COL19A1: variants seen among roughly 807,000 people sequenced by gnomAD.
The protein encoded by COL19A1 is collagen alpha-1(XIX) chain.
A neutral mutation model predicts 190.2 loss-of-function variants in COL19A1; 159 were observed. That is an observed-to-expected ratio of 0.84 (90% CI 0.73 to 0.95). The LOEUF is 0.95. COL19A1 is among the 40% of genes least tolerant of loss of function. The pLI, the probability that COL19A1 is intolerant of heterozygous loss-of-function variation, is 0.00. For missense variants in COL19A1, 1,418 were observed against 1,431.9 expected, an observed-to-expected ratio of 0.99 and a Z score of 0.16; for synonymous variants, 509 against 458.9, an observed-to-expected ratio of 1.11 and a Z score of -1.39.
intron 16 of COL19A1, among the ~76,000 whole-genome samples, chr6:70,105,839 T>C (rs1267517878): frequency 2.0e-5 from 3 of 152,220 alleles, no homozygotes; most frequent in Admixed American, 2.0e-4. Context: ...TTTAATTTTG[T>C]CTCTTGTCAA....
intron 9 of COL19A1, among the ~76,000 whole-genome samples, chr6:69,944,861 G>A (rs1456856133): frequency 1.3e-5 from 2 of 151,800 alleles, no homozygotes; most frequent in Non-Finnish European, 2.9e-5. Context: ...TTTTAACCAT[G>A]CTCTTTAACA....
rs113720578 is a variant in COL19A1 at position 70,141,207 on chromosome 6, T to C, written c.1482+218T>C. 1.1e-3 allele frequency among the ~76,000 whole-genome samples: 167 copies of C among 152,200 alleles called. 1 individual carries two copies. The highest frequency in any genetic ancestry group is 3.8e-3 in the African/African-American group (159 of 41,568). On this transcript the variant is annotated intron_variant, in intron 20 of 50. Transcript: ENST00000620364. ...TCATGCAAGGAGACTTCAACATTGG[T>C]TTGAGTTTTCTAATACATTGTTTAA...
intron 9 of COL19A1, among the ~76,000 whole-genome samples, chr6:69,939,637 C>T (rs561144713): frequency 1.3e-5 from 2 of 152,090 alleles, no homozygotes; most frequent in South Asian, 2.1e-4. Flanking sequence ...ACTCTTAAAA[C>T]ATCATTTAAA....
In COL19A1 at chr6:69,953,124, GA is replaced by G. The variant is rs199626807; in HGVS notation, c.937-6871del. On this transcript the variant is annotated intron_variant, in intron 9 of 50. Transcript: ENST00000620364. The stretch of plus-strand genomic sequence containing the variant: ...ATTATAGAAATTGAGGCCATTAAAT[GA>G]GGAGGAAAAAAAAAGACAACTTAGC... Among the ~76,000 whole-genome samples the G allele has an allele frequency of 9.5e-4, 144 of 151,924 alleles. 2 individuals are homozygous for G. In the East Asian group the frequency reaches 0.024, roughly 26 times the overall value.
intron 47 of COL19A1, 54 bp from the exon 48 acceptor site, chr6:70,190,261 T>G: frequency 7.5e-7 from 1 of 1,332,846 alleles, no homozygotes; most frequent in Non-Finnish European, 1.1e-6. Flanking sequence ...ATTTCTATTC[T>G]TTATTCATTT....
chr6:70,141,838 G>A, intron 20 of COL19A1, 55 bp from the exon 21 acceptor site: 1 of 1,138,142 alleles, frequency 8.8e-7, no homozygotes, highest in Non-Finnish European at 1.3e-6. Context: ...TATCAGAGAT[G>A]TCCATTTCCA....
intron 16 of COL19A1, among the ~76,000 whole-genome samples, chr6:70,121,071 C>T (rs551401848): frequency 6.6e-6 from 1 of 152,258 alleles, no homozygotes; most frequent in South Asian, 2.1e-4. Flanking sequence ...TTCTCTCCTC[C>T]TAGCTTTTGA....
chr6:70,060,729 C>T lies in COL19A1; in HGVS notation c.1171-7694C>T, dbSNP rs543459741. On this transcript the variant is annotated intron_variant, in intron 14 of 50. Transcript: ENST00000620364. ...CAGGACTCTCACTGATTCCACATTA[C>T]GGTGAGTGTATAATTATTTCATTAT... Among the ~76,000 whole-genome samples, 171 of 152,120 alleles carry T rather than the reference C, an allele frequency of 1.1e-3. 2 individuals are homozygous for T. The highest frequency in any genetic ancestry group is 1.8e-3 in the Non-Finnish European group (124 of 67,996).
At chr6:70,060,939 G>A (rs560066266) in intron 14 of COL19A1, among the ~76,000 whole-genome samples, 34 of 152,184 alleles carry the variant, frequency 2.2e-4, no homozygotes, top group Admixed American at 1.9e-3. Flanking sequence ...GATAAATGAA[G>A]CACACACATA....
intron 2 of COL19A1, among the ~76,000 whole-genome samples, chr6:69,881,709 G>A (rs1768566997): frequency 6.6e-6 from 1 of 152,116 alleles, no homozygotes. Context: ...TTAACATGAA[G>A]CATTAAGGGA....
chr6:70,061,410 C>T (rs1780820950), intron 14 of COL19A1, among the ~76,000 whole-genome samples: 1 of 151,608 alleles, frequency 6.6e-6, no homozygotes, highest in Admixed American at 6.6e-5. Context: ...GGGTCCTAGA[C>T]TTAGCAAAAG....
chr6:69,898,819 A>G, intron 2 of COL19A1, 129 bp from the exon 3 acceptor site: 1 of 630,278 alleles, frequency 1.6e-6, no homozygotes, highest in Non-Finnish European at 2.8e-6. Context: ...TAATGTTCTT[A>G]TCCTCATTTT....
intron 15 of COL19A1, among the ~76,000 whole-genome samples, chr6:70,087,406 C>A (rs1328950987): frequency 1.3e-5 from 2 of 152,068 alleles, no homozygotes; most frequent in African/African-American, 4.8e-5. Flanking sequence ...GAGGGAAGCT[C>A]TTTCTAGGTA....
chr6:70,089,905 G>A (rs1409382404), intron 15 of COL19A1, among the ~76,000 whole-genome samples: 1 of 151,902 alleles, frequency 6.6e-6, no homozygotes, highest in Non-Finnish European at 1.5e-5. Context: ...AAAAACAATG[G>A]GCTGGGTAAA....
intron 41 of COL19A1, 129 bp downstream of exon 41, chr6:70,172,146 C>T (rs1765538022): frequency 2.9e-6 from 2 of 687,270 alleles, no homozygotes; most frequent in Non-Finnish European, 5.1e-6. Flanking sequence ...AATGTATGTA[C>T]TCATGGGACT....
intron 2 of COL19A1, among the ~76,000 whole-genome samples, chr6:69,886,162 G>A (rs534726469): frequency 6.6e-6 from 1 of 151,990 alleles, no homozygotes; most frequent in Admixed American, 6.5e-5. Context: ...ATTTAAAAAT[G>A]GACAAAGGAT....
chr6:69,993,745 G>A (rs141754299), intron 11 of COL19A1, among the ~76,000 whole-genome samples: 327 of 152,248 alleles, frequency 2.1e-3, no homozygotes, highest in African/African-American at 7.7e-3. Context: ...TGTGTGCCTA[G>A]AGGTGTTTAT....
intron 17 of COL19A1, among the ~76,000 whole-genome samples, chr6:70,127,774 T>A (rs912153680): frequency 2.2e-5 from 3 of 136,488 alleles, no homozygotes; most frequent in Admixed American, 7.4e-5. Context: ...ATCATGAGAA[T>A]AGCACAGGAA....
chr6:70,084,065 T>C (rs552714117), intron 15 of COL19A1, among the ~76,000 whole-genome samples: 1 of 152,220 alleles, frequency 6.6e-6, no homozygotes, highest in East Asian at 1.9e-4. Context: ...AATTGGAAGA[T>C]CCCTTTTACA....
Sources: allele counts gnomAD v4.1 joint callset (sites outside exome capture counted in the v4.1 genomes callset), GRCh38; gene constraint gnomAD v4.1.1; transcripts MANE v1.5; gene names NCBI Gene and HGNC (gene_info 2026-07-23, HGNC 2026-07-21).